Variants in DNAH9 observed in about 807,000 individuals in gnomAD.
DNAH9 encodes dynein axonemal heavy chain 9, also known as DNAH9 variant protein.
In DNAH9, 345 loss-of-function variants were observed where a neutral mutation model predicts 471.6. The observed-to-expected ratio is 0.73, with a 90% CI of 0.67 to 0.80. The LOEUF (loss-of-function observed/expected upper bound fraction) is 0.80. Ranked by LOEUF, DNAH9 falls within the 30% of genes least tolerant of loss-of-function variation. The pLI is 0.00. For missense variants in DNAH9, 5,407 were observed against 5,609.2 expected, an observed-to-expected ratio of 0.96 and a Z score of 1.15; for synonymous variants, 2,093 against 2,123.6, an observed-to-expected ratio of 0.99 and a Z score of 0.40.
intron 10 of DNAH9, among the ~76,000 whole-genome samples, chr17:11,643,923 AAAT>A (rs1319899531): frequency 2.6e-5 from 4 of 152,180 alleles, no homozygotes; most frequent in Non-Finnish European, 4.4e-5. Context: ...GTACAGCAAA[AAAT>A]AAGGCATAAA....
chr17:11,724,605 A>G (rs1008816471), intron 27 of DNAH9, among the ~76,000 whole-genome samples: 13 of 152,198 alleles, frequency 8.5e-5, no homozygotes, highest in African/African-American at 3.1e-4. Context: ...TTGATTCCAT[A>G]TCTTAACTAT....
intron 63 of DNAH9, among the ~76,000 whole-genome samples, chr17:11,931,022 A>G (rs745784244): frequency 6.6e-6 from 1 of 152,248 alleles, no homozygotes; most frequent in Non-Finnish European, 1.5e-5. Flanking sequence ...AACTTTGTAT[A>G]TGAAGTTGTA....
At chr17:11,599,058 A>T in intron 1 of DNAH9, 143 bp downstream of exon 1, 1 of 668,334 alleles carries the variant, frequency 1.5e-6, no homozygotes. Context: ...CAGAGGGGCG[A>T]GGCTGTGGAG....
At chr17:11,811,341 A>G (rs903412167) in intron 45 of DNAH9, among the ~76,000 whole-genome samples, 15 of 152,164 alleles carry the variant, frequency 9.9e-5, no homozygotes, top group Middle Eastern at 3.4e-3. Context: ...GAAAAAGGTT[A>G]TAAAACGAGA....
chr17:11,667,124 A>C (rs1287860307), intron 15 of DNAH9, among the ~76,000 whole-genome samples: 1 of 152,218 alleles, frequency 6.6e-6, no homozygotes, highest in Admixed American at 6.5e-5. Flanking sequence ...ATATGGGACA[A>C]AAATCTCATA....
chr17:11,686,284 A>G (rs2074240849), intron 19 of DNAH9, among the ~76,000 whole-genome samples: 1 of 152,134 alleles, frequency 6.6e-6, no homozygotes, highest in Non-Finnish European at 1.5e-5. Context: ...TCCACGATCA[A>G]ATGCATGAGC....
intron 45 of DNAH9, among the ~76,000 whole-genome samples, chr17:11,816,409 TTAAG>T (rs1970097631): frequency 6.6e-6 from 1 of 152,192 alleles, no homozygotes. Flanking sequence ...AGGTACTTCT[TTAAG>T]TAAAGTAAGT....
chr17:11,763,744 C>A, intron 36 of DNAH9, 130 bp downstream of exon 36: 2 of 866,098 alleles, frequency 2.3e-6, no homozygotes, highest in South Asian at 1.7e-5. Context: ...ACTATTTAGT[C>A]ATCTACCTAT....
rs911955163 is a variant in DNAH9, at chr17:11,820,000, A to G, written c.8708-1920A>G. ...AATGATAACAAGAAAACACAATAGC[A>G]ATCATTTTTTGTCATATTCTTGATT... is the stretch of plus-strand genomic sequence containing the variant. On this transcript the variant is annotated intron_variant, in intron 45 of 68. Transcript: ENST00000262442. 9.2e-5 allele frequency among the ~76,000 whole-genome samples: 14 copies of G among 152,068 alleles called. No homozygotes were observed. In the East Asian group the frequency reaches 2.5e-3, roughly 27 times the overall value.
At chr17:11,678,077 A>G (rs560189956) in intron 17 of DNAH9, among the ~76,000 whole-genome samples, 1 of 151,768 alleles carries the variant, frequency 6.6e-6, no homozygotes, top group African/African-American at 2.4e-5. Flanking sequence ...ATTTTTTGAG[A>G]TGCAGTCTCG....
chr17:11,861,187 C>A (rs1178313219), intron 50 of DNAH9, among the ~76,000 whole-genome samples: 1 of 152,030 alleles, frequency 6.6e-6, no homozygotes, highest in African/African-American at 2.4e-5. Context: ...TCCCCCAACC[C>A]CACAACAGTC....
At chr17:11,961,678 T>C (rs1159150389) in intron 67 of DNAH9, among the ~76,000 whole-genome samples, 189 bp from the exon 68 acceptor site, 1 of 152,158 alleles carries the variant, frequency 6.6e-6, no homozygotes, top group Non-Finnish European at 1.5e-5. Context: ...GAGACAAACC[T>C]TCCAAAGCAA....
intron 38 of DNAH9, among the ~76,000 whole-genome samples, chr17:11,780,596 G>A (rs563865379): frequency 6.6e-6 from 1 of 152,316 alleles, no homozygotes; most frequent in Admixed American, 6.5e-5. Context: ...GGGACCACAA[G>A]TATGACAGAA....
Position 11,756,668 on chromosome 17 carries a change from C to T in DNAH9, c.6839C>T (p.Ser2280Phe). The change falls in exon 34 of 69, where the codon TCT becomes TTT. Residue 2280 changes from serine to phenylalanine, a missense_variant. Physicochemically the swap from Ser to Phe is radical, Grantham distance 155. Transcript: ENST00000262442. Reference protein sequence around the residue: ...HLRTATPATVSRAGILYINPA... With the variant: ...HLRTATPATVFRAGILYINPA... ...CGCACAGCCACTCCAGCAACTGTCT[C>T]TAGAGCAGGTACGGCCCAAGAAGGG... 1.2e-6 allele frequency: 2 copies of T among 1,605,052 alleles called. No individual in the cohort carries two copies. The highest frequency in any genetic ancestry group is 1.7e-6 in the Non-Finnish European group (2 of 1,171,736).
At chr17:11,951,647 G>A (rs1233064595) in intron 67 of DNAH9, among the ~76,000 whole-genome samples, 5 of 151,320 alleles carry the variant, frequency 3.3e-5, no homozygotes, top group Admixed American at 2.0e-4. Context: ...AAATTCGGCC[G>A]GGTGTGGTGG....
intron 61 of DNAH9, among the ~76,000 whole-genome samples, chr17:11,914,852 G>T (rs1973890345): frequency 6.6e-6 from 1 of 152,102 alleles, no homozygotes; most frequent in Non-Finnish European, 1.5e-5. Context: ...CAGTCAGCCT[G>T]TCATTTCAAG....
intron 45 of DNAH9, among the ~76,000 whole-genome samples, chr17:11,817,217 G>A (rs1330043781): frequency 6.6e-6 from 1 of 152,076 alleles, no homozygotes; most frequent in African/African-American, 2.4e-5. Flanking sequence ...AACAAGTGAC[G>A]AGAATATTGT....
chr17:11,744,752 A>G, intron 30 of DNAH9, 45 bp from the exon 31 acceptor site: 1 of 1,540,194 alleles, frequency 6.5e-7, no homozygotes, highest in East Asian at 2.3e-5. Flanking sequence ...ACCCCAGCAC[A>G]TGGTGTTCTG....
intron 62 of DNAH9, among the ~76,000 whole-genome samples, chr17:11,924,787 C>G (rs938114393): frequency 6.6e-6 from 1 of 152,000 alleles, no homozygotes; most frequent in African/African-American, 2.4e-5. Flanking sequence ...CCACGCCCGG[C>G]TAATTTTTGT....
Sources: gnomAD v4.1 joint callset for allele counts (sites outside exome capture counted in the v4.1 genomes callset) on GRCh38, gnomAD v4.1.1 for gene constraint, MANE v1.5 for transcripts, NCBI Gene and HGNC (gene_info 2026-07-23, HGNC 2026-07-21) for gene names.